Variants in RYR2 observed in about 807,000 individuals in gnomAD.
The protein encoded by RYR2 is ryanodine receptor 2, also known as cardiac muscle ryanodine receptor-calcium release channel.
Under a neutral mutation model 601.1 loss-of-function variants are expected in RYR2, and 227 were observed. The observed-to-expected ratio is 0.38, with a 90% CI of 0.34 to 0.42. The LOEUF is 0.42. RYR2 is among the 10% of genes least tolerant of loss of function. The pLI, the probability that RYR2 is intolerant of heterozygous loss-of-function variation, is 1.00. For missense variants in RYR2, 4,646 were observed against 6,156.5 expected (o/e 0.75, Z 8.21); for synonymous variants, 2,223 against 2,175.1 (o/e 1.02, Z -0.61).
chr1:237,268,675 C>T (rs1041603247), intron 1 of RYR2, among the ~76,000 whole-genome samples: 11 of 151,954 alleles, frequency 7.2e-5, no homozygotes, highest in Non-Finnish European at 1.0e-4. Context: ...CGGTGGCTCA[C>T]ACCTGTAATC....
intron 25 of RYR2, among the ~76,000 whole-genome samples, chr1:237,544,655 C>G (rs983988991): frequency 1.3e-5 from 2 of 152,008 alleles, no homozygotes; most frequent in African/African-American, 2.4e-5. Flanking sequence ...GTTGGTTGTC[C>G]TCTGTGTACC....
chr1:237,684,062 G>A (rs1411615830), intron 62 of RYR2, among the ~76,000 whole-genome samples: 1 of 151,738 alleles, frequency 6.6e-6, no homozygotes, highest in Non-Finnish European at 1.5e-5. Context: ...TGAGTAGCTG[G>A]GATTACAGGC....
intron 2 of RYR2, among the ~76,000 whole-genome samples, chr1:237,309,043 G>T (rs1291560630): frequency 6.8e-6 from 1 of 147,990 alleles, no homozygotes; most frequent in Non-Finnish European, 1.5e-5. Flanking sequence ...CTAGACACAG[G>T]GTGCTGATTG....
At chr1:237,352,542 T>A (rs1698947987) in intron 3 of RYR2, among the ~76,000 whole-genome samples, 1 of 152,164 alleles carries the variant, frequency 6.6e-6, no homozygotes. Context: ...GGTAGATCAA[T>A]GCAATCTCAA....
chr1:237,497,086 A>C (rs186985933), intron 20 of RYR2, among the ~76,000 whole-genome samples: 1 of 152,314 alleles, frequency 6.6e-6, no homozygotes, highest in African/African-American at 2.4e-5. Flanking sequence ...ACTGCAAGAA[A>C]CTTGTGAGTT....
At chr1:237,729,118 A>C (rs895063651) in intron 76 of RYR2, among the ~76,000 whole-genome samples, 1 of 152,010 alleles carries the variant, frequency 6.6e-6, no homozygotes, top group Non-Finnish European at 1.5e-5. Context: ...CCTCATATCA[A>C]GTTGATGGCA....
At chr1:237,062,001 C>T (rs1662954112) in intron 1 of RYR2, among the ~76,000 whole-genome samples, 1 of 152,206 alleles carries the variant, frequency 6.6e-6, no homozygotes, top group African/African-American at 2.4e-5. Flanking sequence ...GCTACCTTTT[C>T]ATCACTGCAT....
At chr1:237,730,214 C>A in intron 76 of RYR2, 46 bp from the exon 77 acceptor site, 1 of 1,095,410 alleles carries the variant, frequency 9.1e-7, no homozygotes, top group Non-Finnish European at 1.4e-6. Flanking sequence ...ACAATTTCAA[C>A]TTATTTTCTA....
intron 3 of RYR2, among the ~76,000 whole-genome samples, chr1:237,340,322 T>G (rs980852462): frequency 2.6e-5 from 4 of 152,198 alleles, no homozygotes; most frequent in African/African-American, 9.7e-5. Context: ...TTTTGTGCAT[T>G]CTGGAGCTAG....
intron 2 of RYR2, among the ~76,000 whole-genome samples, chr1:237,313,522 T>G (rs538325231): frequency 6.6e-6 from 1 of 152,330 alleles, no homozygotes; most frequent in Non-Finnish European, 1.5e-5. Flanking sequence ...AGAAAGCCTT[T>G]AGAAGCTGAA....
intron 29 of RYR2, among the ~76,000 whole-genome samples, chr1:237,574,449 A>C (rs1460313660): frequency 6.6e-6 from 1 of 152,168 alleles, no homozygotes; most frequent in Admixed American, 6.5e-5. Flanking sequence ...CTTGAGTGTC[A>C]GCAGAACTTG....
At chr1:237,768,773 G>A (rs977513101) in intron 84 of RYR2, among the ~76,000 whole-genome samples, 2 of 152,128 alleles carry the variant, frequency 1.3e-5, no homozygotes, top group Non-Finnish European at 2.9e-5. Context: ...ATTTTAATCA[G>A]ATAGGAATGT....
intron 17 of RYR2, among the ~76,000 whole-genome samples, chr1:237,487,322 T>C (rs1042838504): frequency 6.6e-6 from 1 of 152,170 alleles, no homozygotes; most frequent in Non-Finnish European, 1.5e-5. Context: ...TTCCTTTTTT[T>C]ATTTAAAAAT....
intron 1 of RYR2, among the ~76,000 whole-genome samples, chr1:237,166,711 A>G (rs1434851034): frequency 6.6e-6 from 1 of 152,260 alleles, no homozygotes; most frequent in Non-Finnish European, 1.5e-5. Flanking sequence ...AATTGGGTAC[A>G]ATAAAGCATT....
intron 29 of RYR2, 73 bp downstream of exon 29, chr1:237,569,392 C>A: frequency 2.0e-6 from 3 of 1,470,728 alleles, no homozygotes; most frequent in South Asian, 1.2e-5. Context: ...GCTTCCTAAC[C>A]GGGCGTTTCT....
chr1:237,431,346 G>A (rs1239346677), intron 12 of RYR2, among the ~76,000 whole-genome samples: 2 of 152,118 alleles, frequency 1.3e-5, no homozygotes, highest in Non-Finnish European at 2.9e-5. Context: ...TGTAAAGGTA[G>A]TACAAAGATG....
intron 96 of RYR2, among the ~76,000 whole-genome samples, chr1:237,795,808 G>GT (rs1004208716): frequency 1.4e-5 from 2 of 144,014 alleles, no homozygotes; most frequent in African/African-American, 5.1e-5. Context: ...ACGCCTGTAT[G>GT]TATATACAGG....
chr1:237,591,794 A>G lies in RYR2; in HGVS notation c.4216A>G (p.Thr1406Ala). 1 of 1,613,710 alleles carries G rather than the reference A, an allele frequency of 6.2e-7. No homozygotes were observed. Among genetic ancestry groups the G allele is most frequent in the Non-Finnish European group, 8.5e-7 (1 of 1,179,804 alleles). ...DYSTSHSARL[T>A]EDVLADDRDD... is the part of the protein sequence containing the mutation. ...CAGCACAAGCCATTCTGCAAGACTC[A>G]CCGAAGATGTCCTTGCTGATGATCG... The change falls in exon 32 of 105, where the codon ACC (threonine) becomes GCC (alanine). Residue 1406 changes from threonine to alanine, a missense_variant. Around this residue, in one of 17 missense-constraint regions of RYR2, gnomAD observed 1,807 missense variants for 2,088.1 expected, o/e 0.87. Coordinates refer to ENST00000366574, the MANE Select transcript of RYR2 (RefSeq NM_001035.3).
chr1:237,231,923 T>C (rs886721261), intron 1 of RYR2, among the ~76,000 whole-genome samples: 1 of 152,232 alleles, frequency 6.6e-6, no homozygotes, highest in Non-Finnish European at 1.5e-5. Flanking sequence ...CTGAGACTTC[T>C]GTGGACAATT....
Sources: gnomAD v4.1 joint callset for allele counts (sites outside exome capture counted in the v4.1 genomes callset) on GRCh38, gnomAD v4.1.1 for gene constraint, gnomAD v4.1.1 regional missense constraint, MANE v1.5 for transcripts, NCBI Gene and HGNC (gene_info 2026-07-23, HGNC 2026-07-21) for gene names.